SOX5: variants seen among roughly 807,000 people sequenced by gnomAD.
SOX5 encodes transcription factor SOX-5.
SOX5 carries 9 observed loss-of-function variants against 92.0 expected under a neutral mutation model. That is an observed-to-expected ratio of 0.10 (90% CI 0.06 to 0.17). The LOEUF is 0.17. Ranked by LOEUF, SOX5 falls within the 10% of genes least tolerant of loss-of-function variation. SOX5 has a pLI of 1.00. For missense variants in SOX5, 642 were observed against 944.5 expected (o/e 0.68, Z 4.20); for synonymous variants, 344 against 336.3 (o/e 1.02, Z -0.25).
At chr12:23,873,057 C>G (rs2096891667) in intron 2 of SOX5, among the ~76,000 whole-genome samples, 1 of 152,214 alleles carries the variant, frequency 6.6e-6, no homozygotes, top group East Asian at 1.9e-4. Context: ...TTATATGAGA[C>G]AGCCTTCGCC....
intron 3 of SOX5, among the ~76,000 whole-genome samples, chr12:23,839,124 C>T (rs2096479624): frequency 6.6e-6 from 1 of 151,814 alleles, no homozygotes; most frequent in Admixed American, 6.6e-5. Context: ...GCTGGGATTA[C>T]AGGTGTGAGC....
chr12:24,204,423 G>A (rs1367044989), intron 4 of SOX5, among the ~76,000 whole-genome samples: 1 of 151,898 alleles, frequency 6.6e-6, no homozygotes, highest in African/African-American at 2.4e-5. Context: ...CCACCTCTTG[G>A]GTTCAAGTGA....
At chr12:24,395,647 G>A (rs1348563618) in intron 1 of SOX5, among the ~76,000 whole-genome samples, 1 of 152,156 alleles carries the variant, frequency 6.6e-6, no homozygotes, top group Non-Finnish European at 1.5e-5. Context: ...TTCTCCTCAT[G>A]GAAAGAAACC....
intron 10 of SOX5, among the ~76,000 whole-genome samples, chr12:23,574,176 T>G (rs1948780860): frequency 6.6e-6 from 1 of 152,068 alleles, no homozygotes; most frequent in African/African-American, 2.4e-5. Flanking sequence ...GATTCTTCAC[T>G]CCACTTCTTT....
intron 4 of SOX5, among the ~76,000 whole-genome samples, chr12:24,206,141 A>G (rs1297234699): frequency 6.6e-6 from 1 of 152,230 alleles, no homozygotes; most frequent in African/African-American, 2.4e-5. Context: ...AGAAATGACA[A>G]TATCATATTA....
intron 4 of SOX5, among the ~76,000 whole-genome samples, chr12:24,022,691 C>CAT (rs1406687610): frequency 6.6e-6 from 1 of 152,122 alleles, no homozygotes; most frequent in Non-Finnish European, 1.5e-5. Context: ...GCTCCATACA[C>CAT]ATGCCCATGC....
chr12:23,904,070 TTCTC>T (rs981738251), intron 1 of SOX5, among the ~76,000 whole-genome samples: 1 of 152,208 alleles, frequency 6.6e-6, no homozygotes, highest in African/African-American at 2.4e-5. Context: ...TGCTTTCCTT[TTCTC>T]TCTTACATGT....
intron 13 of SOX5, 149 bp downstream of exon 13, chr12:23,543,062 C>T: frequency 1.9e-6 from 1 of 526,960 alleles, no homozygotes; most frequent in Non-Finnish European, 3.3e-6. Flanking sequence ...GCTTCATCAC[C>T]AGAAGAAGCC....
intron 2 of SOX5, among the ~76,000 whole-genome samples, chr12:24,306,415 C>A (rs1453523189): frequency 2.0e-5 from 3 of 152,176 alleles, no homozygotes; most frequent in Non-Finnish European, 4.4e-5. Context: ...TGGGGTCATG[C>A]AAAGATTGTT....
chr12:24,272,381 CT>C (rs1218118488), intron 3 of SOX5, among the ~76,000 whole-genome samples: 2 of 152,104 alleles, frequency 1.3e-5, no homozygotes, highest in Non-Finnish European at 2.9e-5. Context: ...TCTTTCTTTA[CT>C]GCATTGACTA....
At chr12:24,177,833 T>C (rs1354898813) in intron 4 of SOX5, among the ~76,000 whole-genome samples, 1 of 152,048 alleles carries the variant, frequency 6.6e-6, no homozygotes, top group African/African-American at 2.4e-5. Flanking sequence ...GTCAAACCAG[T>C]CATTGAGTCT....
intron 13 of SOX5, among the ~76,000 whole-genome samples, chr12:23,538,969 T>C (rs1474004400): frequency 2.1e-5 from 3 of 145,672 alleles, no homozygotes; most frequent in Non-Finnish European, 4.6e-5. Flanking sequence ...CCCGGCTAGC[T>C]TTTTTTTTTG....
At chr12:23,578,850 ACAT>A (rs1356040855) in intron 9 of SOX5, among the ~76,000 whole-genome samples, 3 of 152,170 alleles carry the variant, frequency 2.0e-5, no homozygotes, top group African/African-American at 7.2e-5. Flanking sequence ...CTTCTTTTTG[ACAT>A]CATCATAACT....
intron 4 of SOX5, among the ~76,000 whole-genome samples, chr12:23,967,929 T>C (rs763997208): frequency 3.3e-5 from 5 of 152,154 alleles, no homozygotes; most frequent in Non-Finnish European, 7.4e-5. Context: ...TAATCATAGC[T>C]CACATTTATT....
chr12:23,697,577 T>C (rs1479411187), intron 6 of SOX5, among the ~76,000 whole-genome samples: 3 of 152,146 alleles, frequency 2.0e-5, no homozygotes, highest in Non-Finnish European at 4.4e-5. Flanking sequence ...TAAAGGCAGG[T>C]TCTCACTCCG....
chr12:24,025,345 A>T (rs1954766062), intron 4 of SOX5, among the ~76,000 whole-genome samples: 1 of 152,052 alleles, frequency 6.6e-6, no homozygotes, highest in Non-Finnish European at 1.5e-5. Context: ...GTATTTCTCT[A>T]AACTCATGCA....
At chr12:23,991,827 C>T (rs187134425) in intron 4 of SOX5, among the ~76,000 whole-genome samples, 1 of 151,346 alleles carries the variant, frequency 6.6e-6, no homozygotes, top group East Asian at 1.9e-4. Context: ...ACCAAATTGT[C>T]ACATGAAAAG....
chr12:23,830,439 G>T (rs1000747197), intron 3 of SOX5, among the ~76,000 whole-genome samples: 3 of 152,102 alleles, frequency 2.0e-5, no homozygotes, highest in Non-Finnish European at 2.9e-5. Flanking sequence ...CAGCGGGAGT[G>T]TGAGGAACAA....
At chr12:24,146,852 C>G (rs1951142856) in intron 4 of SOX5, among the ~76,000 whole-genome samples, 1 of 151,604 alleles carries the variant, frequency 6.6e-6, no homozygotes, top group Admixed American at 6.6e-5. Context: ...TTATGATTAA[C>G]TTTATATCAA....
Sources: allele counts gnomAD v4.1 joint callset (sites outside exome capture counted in the v4.1 genomes callset), GRCh38; gene constraint gnomAD v4.1.1; transcripts MANE v1.5; gene names NCBI Gene and HGNC (gene_info 2026-07-23, HGNC 2026-07-21).